Variants in GAD2 observed in about 807,000 individuals in gnomAD.
The protein encoded by GAD2 is 65 kDa glutamic acid decarboxylase.
A neutral mutation model predicts 80.1 loss-of-function variants in GAD2; 22 were observed. The ratio of observed to expected loss-of-function variants is 0.27; its 90% CI spans 0.20 to 0.39. The LOEUF (loss-of-function observed/expected upper bound fraction) is 0.39. Among genes scored for constraint, GAD2 ranks in the 10% least tolerant of loss-of-function variants. The pLI, the probability that GAD2 is intolerant of heterozygous loss-of-function variation, is 1.00. For synonymous variants in GAD2, 274 were observed against 256.9 expected (o/e 1.07, Z -0.64); for missense variants, 624 against 738.4 (o/e 0.85, Z 1.80).
Position 26,217,743 on chromosome 10 carries a change from G to A in GAD2, c.136+74G>A. 6.3e-7 allele frequency: 1 copy of A among 1,588,762 alleles called. No homozygotes were observed. The highest frequency in any genetic ancestry group is 8.6e-7 in the Non-Finnish European group (1 of 1,166,622). On this transcript the variant is annotated intron_variant, in intron 2 of 15. Transcript: ENST00000376261. The surrounding 1 kb of genome is among the most constrained non-coding windows in gnomAD (Gnocchi z 4.9). Reference sequence around the variant, plus strand: ...GCAGTCTTCTCACCTCCGCATCCCAGTCAGCGGAGTCGGGGTTTCCTGGCT... The same window carrying A: ...GCAGTCTTCTCACCTCCGCATCCCAATCAGCGGAGTCGGGGTTTCCTGGCT...
intron 7 of GAD2, among the ~76,000 whole-genome samples, chr10:26,235,841 A>G (rs971472899): frequency 6.6e-6 from 1 of 152,216 alleles, no homozygotes; most frequent in African/African-American, 2.4e-5. Context: ...CATGAGCTCA[A>G]TTCCAAATTC....
chr10:26,250,118 A>T lies in GAD2; in HGVS notation c.920+4118A>T, dbSNP rs554890854. Among the ~76,000 whole-genome samples the T allele has an allele frequency of 1.8e-4, 28 of 151,940 alleles. 1 individual carries two copies. Among genetic ancestry groups the T allele is most frequent in the African/African-American group, 6.8e-4 (28 of 41,444 alleles). ...AGCCTGGAATTCCTAGGCTCAAGCA[A>T]TTCTCCCCTCTCAGCCTCCTTAGTA... On this transcript the variant is annotated intron_variant, in intron 8 of 15. Transcript: ENST00000376261.
intron 8 of GAD2, among the ~76,000 whole-genome samples, chr10:26,268,035 A>G (rs755168465): frequency 1.5e-4 from 23 of 152,234 alleles, no homozygotes; most frequent in Non-Finnish European, 2.5e-4. Context: ...ATATGCCAAT[A>G]GCATCCCACA....
chr10:26,300,886 C>G lies in GAD2; in HGVS notation c.1683C>G (p.Ile561Met). 2 of 1,613,896 alleles carry G rather than the reference C, an allele frequency of 1.2e-6. No homozygotes were observed. The highest frequency in any genetic ancestry group is 1.7e-6 in the Non-Finnish European group (2 of 1,179,820). Residue 561 changes from isoleucine to methionine, a missense_variant, in exon 16 of 16, where the codon ATC becomes ATG. Transcript: ENST00000376261. ...GDKVNFFRMV[I>M]SNPAATHQDI... is the part of the protein sequence containing the mutation. ...AGGTCAATTTCTTCCGCATGGTCAT[C>G]TCAAACCCAGCGGCAACTCACCAAG...
chr10:26,241,218 G>A (rs1000104601), intron 7 of GAD2, among the ~76,000 whole-genome samples: 10 of 151,938 alleles, frequency 6.6e-5, no homozygotes, highest in South Asian at 4.1e-4. Context: ...GTAATTTTTC[G>A]CAAATCCAGG....
intron 7 of GAD2, among the ~76,000 whole-genome samples, chr10:26,238,215 T>A (rs1564659420): frequency 6.6e-6 from 1 of 152,166 alleles, no homozygotes; most frequent in Non-Finnish European, 1.5e-5. Flanking sequence ...GCACCTCACA[T>A]GCCACAGCTA....
chr10:26,283,057 A>G (rs1022486927), intron 12 of GAD2, among the ~76,000 whole-genome samples: 1 of 152,226 alleles, frequency 6.6e-6, no homozygotes, highest in Non-Finnish European at 1.5e-5. Context: ...GGCTCCCATC[A>G]TGTCCTTACA....
intron 8 of GAD2, 149 bp downstream of exon 8, chr10:26,246,149 C>T (rs1042098050): frequency 6.4e-6 from 4 of 624,650 alleles, no homozygotes; most frequent in Non-Finnish European, 1.1e-5. Context: ...TTAACATGGG[C>T]TCCTGCTTCT....
At chr10:26,219,642 T>C (rs534591181) in intron 4 of GAD2, among the ~76,000 whole-genome samples, 1 of 152,090 alleles carries the variant, frequency 6.6e-6, no homozygotes, top group South Asian at 2.1e-4. Flanking sequence ...GCTCGAAAAA[T>C]GCGTGATCCA....
Position 26,217,577 on chromosome 10 carries a change from C to T in GAD2, c.77-33C>T. The stretch of plus-strand genomic sequence containing the variant: ...ACGTCCGTCTGTTGTTCTCTTTCTG[C>T]CTCGCTGTCTGCCTGCCTATTCTTC... On this transcript the variant is annotated intron_variant, in intron 1 of 15. Transcript: ENST00000376261. This position sits in a 1 kb window ranked among gnomAD's most constrained non-coding sequence, Gnocchi z 4.9. 6.3e-7 allele frequency: 1 copy of T among 1,595,478 alleles called. No individual in the cohort carries two copies. The highest frequency in any genetic ancestry group is 1.1e-5 in the South Asian group (1 of 88,570).
intron 13 of GAD2, among the ~76,000 whole-genome samples, chr10:26,289,326 C>T (rs1374092799): frequency 6.6e-6 from 1 of 152,148 alleles, no homozygotes; most frequent in African/African-American, 2.4e-5. Context: ...GGAGGAAGAA[C>T]ATAGCATTAA....
Position 26,301,323 on chromosome 10 carries a change from G to C in GAD2, c.*362G>C, listed in dbSNP as rs1834327633. 1 of 158,970 alleles carries C rather than the reference G, an allele frequency of 6.3e-6. No homozygotes were observed. The highest frequency in any genetic ancestry group is 6.3e-5 in the Admixed American group (1 of 15,882). The allele number at this position is 158,970 out of a possible 1,614,324, so 9.8% of individuals were successfully genotyped here. A position where few individuals can be genotyped will look rare whatever the true frequency, so the allele number is the denominator to read the frequency against. The stretch of plus-strand genomic sequence containing the variant: ...CCTGAATCATAAAAGGTTCTTTGGG[G>C]TGCAGTAAAAAGGACAAAGTAAATA... On this transcript the variant is annotated 3_prime_UTR_variant, in exon 16 of 16. Coordinates refer to ENST00000376261, the MANE Select transcript of GAD2 (RefSeq NM_001134366.2).
chr10:26,249,144 C>A (rs1844847011), intron 8 of GAD2, among the ~76,000 whole-genome samples: 1 of 152,116 alleles, frequency 6.6e-6, no homozygotes, highest in Admixed American at 6.5e-5. Context: ...CTCACTGCAA[C>A]CTCTGCCTCC....
Position 26,303,139 on chromosome 10 carries a change from T to C in GAD2, c.*2178T>C, listed in dbSNP as rs1467161233. 3.9e-5 allele frequency: 6 copies of C among 152,222 alleles called. No homozygotes were observed. The highest frequency in any genetic ancestry group is 3.9e-4 in the Admixed American group (6 of 15,286). 9.4% of individuals were successfully genotyped at this position (152,222 alleles called of 1,614,324 possible). A position where few individuals can be genotyped will look rare whatever the true frequency, so the allele number is the denominator to read the frequency against. On this transcript the variant is annotated 3_prime_UTR_variant, in exon 16 of 16. Coordinates refer to ENST00000376261, the MANE Select transcript of GAD2 (RefSeq NM_001134366.2). Reference sequence around the variant, plus strand: ...GATGCTTTATCTTTTGAGTTACAGATCCTAGATTATAAACTGCTGCTTTTT... The same window carrying C: ...GATGCTTTATCTTTTGAGTTACAGACCCTAGATTATAAACTGCTGCTTTTT...
chr10:26,239,922 TTGCCAGCCACTGAG>T (rs1844720009), intron 7 of GAD2, among the ~76,000 whole-genome samples: 1 of 151,846 alleles, frequency 6.6e-6, no homozygotes, highest in Non-Finnish European at 1.5e-5. Context: ...GTAGGGGAGG[TTGCCAGCCACTGAG>T]GACTGTCTTA....
chr10:26,236,753 C>A (rs1844677264), intron 7 of GAD2, among the ~76,000 whole-genome samples: 1 of 152,136 alleles, frequency 6.6e-6, no homozygotes, highest in South Asian at 2.1e-4. Context: ...TATTGCTCCC[C>A]CCTTAGTCGG....
chr10:26,216,573 C>A, upstream of GAD2: 1 of 380,980 alleles, frequency 2.6e-6, no homozygotes, highest in Non-Finnish European at 4.6e-6. This position sits in a 1 kb window ranked among gnomAD's most constrained non-coding sequence, Gnocchi z 4.7. Flanking sequence ...TTAAAGCTCC[C>A]CGGCTTCCAA....
intron 11 of GAD2, among the ~76,000 whole-genome samples, chr10:26,275,862 T>C (rs922533986): frequency 6.6e-6 from 1 of 152,158 alleles, no homozygotes; most frequent in Admixed American, 6.5e-5. Context: ...GCCATTCTCA[T>C]ACAAAATGGC....
chr10:26,223,821 CAT>C, intron 4 of GAD2, 64 bp from the exon 5 acceptor site: 1 of 1,010,680 alleles, frequency 9.9e-7, no homozygotes, highest in Non-Finnish European at 1.5e-6. Flanking sequence ...CTAGAGAAAT[CAT>C]GTGTTTGAGA....
Sources: gnomAD v4.1 joint callset for allele counts (sites outside exome capture counted in the v4.1 genomes callset) on GRCh38, gnomAD v4.1.1 for gene constraint, Gnocchi (gnomAD v3.1) non-coding constraint, MANE v1.5 for transcripts, NCBI Gene and HGNC (gene_info 2026-07-23, HGNC 2026-07-21) for gene names.